GSE1: variants seen among roughly 807,000 people sequenced by gnomAD.
GSE1 encodes the protein genetic suppressor element 1.
GSE1 carries 32 observed loss-of-function variants against 112.6 expected under a neutral mutation model. The observed-to-expected ratio is 0.28, with a 90% CI of 0.21 to 0.38. The LOEUF is 0.38. Among genes scored for constraint, GSE1 ranks in the 10% least tolerant of loss-of-function variants. GSE1 has a pLI of 1.00. For missense variants in GSE1, 2,348 were observed against 1,699.2 expected, an observed-to-expected ratio of 1.38 and a Z score of -6.71; for synonymous variants, 1,115 against 735.6, an observed-to-expected ratio of 1.52 and a Z score of -8.35.
intron 1 of GSE1, among the ~76,000 whole-genome samples, chr16:85,559,026 T>C (rs1442310017): frequency 6.6e-6 from 1 of 152,082 alleles, no homozygotes; most frequent in East Asian, 1.9e-4. Flanking sequence ...CCAGGCTAAT[T>C]TGTGTATTTT....
chr16:85,539,242 AT>A (rs1394516101), intron 2 of GSE1, among the ~76,000 whole-genome samples: 1 of 152,156 alleles, frequency 6.6e-6, no homozygotes, highest in Non-Finnish European at 1.5e-5. Context: ...CGCAGTGTCT[AT>A]TTTTGCAAAC....
intron 2 of GSE1, among the ~76,000 whole-genome samples, chr16:85,434,886 G>C (rs1465059297): frequency 6.6e-6 from 1 of 152,236 alleles, no homozygotes; most frequent in Non-Finnish European, 1.5e-5. Flanking sequence ...ATCTTGGTCT[G>C]CTGCCCCGTC....
At chr16:85,204,504 A>G (rs1433971544) in intron 1 of GSE1, among the ~76,000 whole-genome samples, 2 of 152,174 alleles carry the variant, frequency 1.3e-5, no homozygotes, top group African/African-American at 4.8e-5. Flanking sequence ...CGTGTGAGCA[A>G]TTCTGTGTTT....
intron 1 of GSE1, among the ~76,000 whole-genome samples, chr16:85,185,567 G>A (rs893681448): frequency 2.0e-5 from 3 of 152,268 alleles, no homozygotes; most frequent in Non-Finnish European, 2.9e-5. Flanking sequence ...TAGCTCTGGA[G>A]CTCCTGGCGC....
At chr16:85,232,843 T>C (rs1904302146) in intron 1 of GSE1, among the ~76,000 whole-genome samples, 1 of 152,244 alleles carries the variant, frequency 6.6e-6, no homozygotes, top group South Asian at 2.1e-4. Context: ...CTCAACCCTA[T>C]GTTAGGATTC....
intron 2 of GSE1, among the ~76,000 whole-genome samples, chr16:85,423,890 C>T (rs1024000620): frequency 2.0e-4 from 30 of 152,164 alleles, no homozygotes; most frequent in African/African-American, 7.0e-4. Flanking sequence ...CGGGGAAGAC[C>T]CCCTGAGGCC....
At chr16:85,476,388 A>G in intron 2 of GSE1, among the ~76,000 whole-genome samples, 1 of 152,154 alleles carries the variant, frequency 6.6e-6, no homozygotes, top group East Asian at 1.9e-4. Context: ...GGGGTCTTCT[A>G]ATCCCCCCAT....
At chr16:85,370,238 G>T (rs2047266686) in intron 2 of GSE1, among the ~76,000 whole-genome samples, 1 of 152,256 alleles carries the variant, frequency 6.6e-6, no homozygotes, top group South Asian at 2.1e-4. Context: ...TCACCCTAGA[G>T]ACCCAGCCAG....
chr16:85,301,366 G>A (rs2045520035), intron 1 of GSE1, among the ~76,000 whole-genome samples: 1 of 152,246 alleles, frequency 6.6e-6, no homozygotes, highest in Admixed American at 6.5e-5. Flanking sequence ...CCTGGAGTGG[G>A]TGGTCTCTGG....
At chr16:85,562,428 G>A (rs747371482) in intron 1 of GSE1, among the ~76,000 whole-genome samples, 5 of 152,162 alleles carry the variant, frequency 3.3e-5, no homozygotes, top group Non-Finnish European at 7.3e-5. Flanking sequence ...TACGCCATGG[G>A]TGGGAACCTG....
chr16:85,186,679 G>A (rs1192019608), intron 1 of GSE1, among the ~76,000 whole-genome samples: 1 of 151,578 alleles, frequency 6.6e-6, no homozygotes, highest in East Asian at 1.9e-4. Context: ...GGCTGAGAAT[G>A]GCCTGAGCTC....
rs1401865762 is a variant in GSE1 at position 85,406,246 on chromosome 16, CT to C, written c.2464+48604del. Among the ~76,000 whole-genome samples the C allele has an allele frequency of 5.3e-3, 2 of 374 alleles. 1 individual carries two copies. The highest frequency in any genetic ancestry group is 0.17 in the Non-Finnish European group (2 of 12). The allele number at this position is 374 out of a possible 152,430, so 0.2% of individuals were successfully genotyped here. A position where few individuals can be genotyped will look rare whatever the true frequency, so the allele number is the denominator to read the frequency against. On this transcript the variant is annotated intron_variant, in intron 2 of 2. Coordinates refer to the GSE1 transcript ENST00000637419. ...TCCTCACTGTTACTCTCAGGCCCCC[CT>C]GGATAATCCTCACTGTTACTCTCAG...
chr16:85,353,173 C>T (rs1284166886), intron 1 of GSE1, among the ~76,000 whole-genome samples: 1 of 152,186 alleles, frequency 6.6e-6, no homozygotes, highest in African/African-American at 2.4e-5. Context: ...AACCCGCCTC[C>T]ACACTCACTT....
intron 2 of GSE1, among the ~76,000 whole-genome samples, chr16:85,379,317 C>G (rs1597538875): frequency 6.6e-6 from 1 of 152,372 alleles, no homozygotes; most frequent in East Asian, 1.9e-4. Flanking sequence ...GAGTTTCCAT[C>G]CGTTTTGCTC....
At chr16:85,291,402 G>A (rs1195987376) in intron 1 of GSE1, among the ~76,000 whole-genome samples, 5 of 152,184 alleles carry the variant, frequency 3.3e-5, no homozygotes, top group Middle Eastern at 3.2e-3. Flanking sequence ...GAATCCAGCA[G>A]CATTTTCTGG....
rs191790270 is a variant in GSE1, at chr16:85,324,378, C to T, written c.2284-33085C>T. 4.9e-3 allele frequency among the ~76,000 whole-genome samples: 740 copies of T among 152,128 alleles called. 3 individuals are homozygous for T. The highest frequency in any genetic ancestry group is 6.2e-3 in the Non-Finnish European group (421 of 67,988). ...TACAAAAATTAGCTGGGTGTGGTGG[C>T]GCATGCCTGTAATCGCAGCTACTTG... On this transcript the variant is annotated intron_variant, in intron 1 of 2. Transcript: ENST00000637419.
chr16:85,388,300 ATGGATGGATG>A (rs2047741829), intron 2 of GSE1, among the ~76,000 whole-genome samples: 1 of 35,354 alleles, frequency 2.8e-5, no homozygotes, highest in Non-Finnish European at 6.3e-5. Flanking sequence ...GGGTGGATGG[ATGGATGGATG>A]GATGGATGGA....
rs576153261 is a variant in GSE1, at chr16:85,265,957, G to A, written c.2284-91506G>A. Among the ~76,000 whole-genome samples, 129 of 152,330 alleles carry A rather than the reference G, an allele frequency of 8.5e-4. 1 individual carries two copies. Among genetic ancestry groups the A allele is most frequent in the Admixed American group, 4.4e-3 (67 of 15,298 alleles). ...GCTGTGCCTGGTTCTGCCCGAGAAT[G>A]TTTGCTGTAGTCCCTGTAAGAGTGG... On this transcript the variant is annotated intron_variant, in intron 1 of 2. Coordinates refer to the GSE1 transcript ENST00000637419.
chr16:85,666,471 G>A (rs1197605829), intron 13 of GSE1, 124 bp downstream of exon 13: 4 of 862,454 alleles, frequency 4.6e-6, no homozygotes, highest in East Asian at 2.5e-5. Flanking sequence ...CCAATCACCA[G>A]AAGAAAATAA....
Sources: gnomAD v4.1 joint callset for allele counts (sites outside exome capture counted in the v4.1 genomes callset) on GRCh38, gnomAD v4.1.1 for gene constraint, MANE v1.5 for transcripts, NCBI Gene and HGNC (gene_info 2026-07-23, HGNC 2026-07-21) for gene names.